ULK4: variants seen among roughly 807,000 people sequenced by gnomAD.
ULK4 encodes inactive serine/threonine-protein kinase ULK4.
ULK4 carries 133 observed loss-of-function variants against 160.6 expected under a neutral mutation model. The ratio of observed to expected loss-of-function variants is 0.83; its 90% CI spans 0.72 to 0.96. ULK4 has a LOEUF of 0.96. Ranked by LOEUF, ULK4 falls within the 40% of genes least tolerant of loss-of-function variation. The pLI is 0.00. For synonymous variants in ULK4, 534 were observed against 539.8 expected, an observed-to-expected ratio of 0.99 and a Z score of 0.15; for missense variants, 1,580 against 1,499.5, an observed-to-expected ratio of 1.05 and a Z score of -0.89.
At chr3:41,937,452 A>G (rs1699814556) in intron 3 of ULK4, 2 of 589,994 alleles carry the variant, frequency 3.4e-6, no homozygotes, top group Admixed American at 5.7e-5. Flanking sequence ...AGTAATAATT[A>G]TATCAATATT....
At chr3:41,548,375 C>G (rs2086938536) in intron 32 of ULK4, among the ~76,000 whole-genome samples, 1 of 152,016 alleles carries the variant, frequency 6.6e-6, no homozygotes, top group African/African-American at 2.4e-5. Context: ...GGCCTGGTGA[C>G]TGGCCCACTC....
At chr3:41,912,307 T>G (rs2148804240) in intron 9 of ULK4, among the ~76,000 whole-genome samples, 1 of 137,296 alleles carries the variant, frequency 7.3e-6, no homozygotes, top group East Asian at 2.0e-4. Context: ...CCTGCCTAGG[T>G]GACAGAGTGA....
At position 41,534,418 on chromosome 3, in the gene ULK4, T is replaced by C. The variant is rs936252531; in HGVS notation, c.3226+31607A>G. 4.0e-5 allele frequency among the ~76,000 whole-genome samples: 6 copies of C among 151,322 alleles called. No individual in the cohort carries two copies. The East Asian group carries it at 7.9e-4, about 20-fold the overall frequency. Reference sequence around the variant, plus strand: ...ACAGGGATTAGCCAGCAGCCAGTCTTAAAATGTTAATAATGGATATTTTTC... The same window carrying C: ...ACAGGGATTAGCCAGCAGCCAGTCTCAAAATGTTAATAATGGATATTTTTC... On this transcript the variant is annotated intron_variant, in intron 32 of 36. Coordinates refer to ENST00000301831, the MANE Select transcript of ULK4 (RefSeq NM_017886.4).
intron 32 of ULK4, among the ~76,000 whole-genome samples, chr3:41,563,186 C>T (rs1485909875): frequency 6.6e-6 from 1 of 152,082 alleles, no homozygotes; most frequent in Non-Finnish European, 1.5e-5. Flanking sequence ...GAATATTGGC[C>T]CCCACTCTCT....
chr3:41,916,139 C>T (rs1216391420), intron 7 of ULK4, 87 bp from the exon 8 acceptor site: 23 of 822,024 alleles, frequency 2.8e-5, no homozygotes, highest in East Asian at 2.9e-5. Flanking sequence ...ACATTTAAAG[C>T]AATAGTATTT....
chr3:41,877,299 A>T (rs1375413175), intron 17 of ULK4, among the ~76,000 whole-genome samples: 1 of 132,480 alleles, frequency 7.5e-6, no homozygotes, highest in African/African-American at 3.4e-5. Context: ...ACTCTAAGCT[A>T]AAAAAAAAGA....
At chr3:41,668,963 G>C (rs2035441211) in intron 29 of ULK4, among the ~76,000 whole-genome samples, 2 of 152,168 alleles carry the variant, frequency 1.3e-5, no homozygotes, top group Non-Finnish European at 2.9e-5. Context: ...CTTGCAGAAT[G>C]TGGGTAAAAC....
rs1575778377 is a variant in ULK4, at chr3:41,826,385, C to T, written c.1765-6879G>A. 7.2e-5 allele frequency among the ~76,000 whole-genome samples: 11 copies of T among 152,218 alleles called. 2 individuals are homozygous for T. The highest frequency in any genetic ancestry group is 6.5e-4 in the Admixed American group (10 of 15,286). ...TGGCAAACTGGATCAAGAGTCAAGA[C>T]CCATCAGGGTGCTGTATTCAGGAAA... On this transcript the variant is annotated intron_variant, in intron 18 of 36. Transcript: ENST00000301831.
At chr3:41,490,040 C>T (rs1356284272) in intron 32 of ULK4, among the ~76,000 whole-genome samples, 1 of 152,208 alleles carries the variant, frequency 6.6e-6, no homozygotes. Context: ...TCTTCACCCA[C>T]TCAACCCACA....
intron 35 of ULK4, among the ~76,000 whole-genome samples, chr3:41,397,382 ATAAC>A (rs1161351046): frequency 1.4e-4 from 21 of 152,266 alleles, no homozygotes; most frequent in Non-Finnish European, 2.2e-4. Flanking sequence ...CAAAATAATA[ATAAC>A]TAACTACACA....
At chr3:41,572,621 C>T (rs959637268) in intron 31 of ULK4, among the ~76,000 whole-genome samples, 1 of 147,928 alleles carries the variant, frequency 6.8e-6, no homozygotes, top group African/African-American at 2.5e-5. Flanking sequence ...AAAAAATTGG[C>T]CCGTCATGGT....
chr3:41,892,326 TC>T (rs1477015863), intron 16 of ULK4, among the ~76,000 whole-genome samples: 2 of 151,896 alleles, frequency 1.3e-5, no homozygotes, highest in East Asian at 3.9e-4. Flanking sequence ...AAAATACAAA[TC>T]AAAACTGTAA....
At chr3:41,453,854 A>C (rs971402729) in intron 34 of ULK4, among the ~76,000 whole-genome samples, 4 of 152,094 alleles carry the variant, frequency 2.6e-5, no homozygotes, top group Non-Finnish European at 5.9e-5. Flanking sequence ...GCCATAAAAA[A>C]GGATGAGTTC....
chr3:41,506,767 A>AAAAAAAAAAAAAAATATATATATATATAT, intron 32 of ULK4, among the ~76,000 whole-genome samples: 1 of 56,766 alleles, frequency 1.8e-5, no homozygotes, highest in African/African-American at 8.2e-5. Context: ...TGTGATTTAA[A>AAAAAAAAAAAAAAATATATATATATATAT]ATATATATAT....
Position 41,615,676 on chromosome 3 carries a change from A to T in ULK4, c.3113T>A (p.Val1038Glu), listed in dbSNP as rs1368331451. 6.2e-7 allele frequency: 1 copy of T among 1,613,000 alleles called. No individual in the cohort carries two copies. The highest frequency in any genetic ancestry group is 1.3e-5 in the African/African-American group (1 of 74,928). ...ESKLIPLIFE[V>E]TLEHQESILG... The stretch of plus-strand genomic sequence containing the variant: ...GCACATTTCCGTTCTTACCAGAGTT[A>T]CTTCAAAAATGAGTGGGATCAGTTT... Residue 1038 changes from valine (V) to glutamate (E), a missense_variant, in exon 31 of 37, where the codon GTA becomes GAA. Transcript: ENST00000301831.
chr3:41,751,171 G>T (rs540383817), intron 22 of ULK4, among the ~76,000 whole-genome samples: 1 of 151,978 alleles, frequency 6.6e-6, no homozygotes, highest in African/African-American at 2.4e-5. Context: ...GATGGGTGTG[G>T]CAAAGAAGCA....
intron 21 of ULK4, among the ~76,000 whole-genome samples, chr3:41,761,519 T>C (rs2038985537): frequency 6.6e-6 from 1 of 151,510 alleles, no homozygotes; most frequent in Admixed American, 6.6e-5. Context: ...CTATGTAGGA[T>C]ACAAGAAGCA....
intron 21 of ULK4, among the ~76,000 whole-genome samples, chr3:41,773,694 C>T (rs2039494558): frequency 6.6e-6 from 1 of 152,284 alleles, no homozygotes; most frequent in Non-Finnish European, 1.5e-5. Context: ...CTACCAATGA[C>T]TTTCTTCACA....
chr3:41,599,565 C>CTTTTT (rs200055034), intron 31 of ULK4, among the ~76,000 whole-genome samples: 3 of 130,764 alleles, frequency 2.3e-5, no homozygotes, highest in African/African-American at 2.9e-5. Context: ...TTTTCTTTTT[C>CTTTTT]TTTTTTTTTT....
Sources: allele counts gnomAD v4.1 joint callset (sites outside exome capture counted in the v4.1 genomes callset), GRCh38; gene constraint gnomAD v4.1.1; transcripts MANE v1.5; gene names NCBI Gene and HGNC (gene_info 2026-07-23, HGNC 2026-07-21).